GRID2: variants seen among roughly 807,000 people sequenced by gnomAD.
GRID2 encodes glutamate ionotropic receptor delta type subunit 2, also known as glutamate receptor ionotropic, delta-2.
In GRID2, 33 loss-of-function variants were observed where a neutral mutation model predicts 114.8. The ratio of observed to expected loss-of-function variants is 0.29; its 90% CI spans 0.22 to 0.38. GRID2 has a LOEUF of 0.38. Ranked by LOEUF, GRID2 falls within the 10% of genes least tolerant of loss-of-function variation. The probability of loss-of-function intolerance (pLI) is 1.00; values close to 1 mark genes in which losing one functional copy is unlikely to be tolerated. For synonymous variants in GRID2, 505 were observed against 449.9 expected, an observed-to-expected ratio of 1.12 and a Z score of -1.55; for missense variants, 1,184 against 1,257.7, an observed-to-expected ratio of 0.94 and a Z score of 0.89.
chr4:93,034,473 C>T (rs975208133), intron 2 of GRID2, among the ~76,000 whole-genome samples: 13 of 152,108 alleles, frequency 8.5e-5, no homozygotes, highest in African/African-American at 2.4e-4. Context: ...CACAATACAA[C>T]GATATTTCAC....
At chr4:92,857,030 G>A (rs907617312) in intron 2 of GRID2, among the ~76,000 whole-genome samples, 1 of 152,118 alleles carries the variant, frequency 6.6e-6, no homozygotes, top group African/African-American at 2.4e-5. Flanking sequence ...ATTTGATACT[G>A]TTATAATTGT....
chr4:93,233,576 C>T (rs1746406596), intron 7 of GRID2, among the ~76,000 whole-genome samples: 1 of 151,976 alleles, frequency 6.6e-6, no homozygotes, highest in Non-Finnish European at 1.5e-5. Flanking sequence ...CTCCTGACCT[C>T]AGGTGATCCA....
chr4:92,876,200 T>A (rs1213706620), intron 2 of GRID2, among the ~76,000 whole-genome samples: 1 of 152,020 alleles, frequency 6.6e-6, no homozygotes, highest in East Asian at 1.9e-4. Flanking sequence ...ATTATGTATT[T>A]TGACAGTGTG....
chr4:93,054,428 G>T (rs1727032673), intron 2 of GRID2, among the ~76,000 whole-genome samples: 2 of 151,640 alleles, frequency 1.3e-5, no homozygotes, highest in African/African-American at 4.8e-5. Flanking sequence ...TTCTCTGTTA[G>T]ATTGAATAAT....
intron 2 of GRID2, among the ~76,000 whole-genome samples, chr4:92,903,944 A>T (rs1281666656): frequency 6.6e-6 from 1 of 151,906 alleles, no homozygotes; most frequent in Non-Finnish European, 1.5e-5. Context: ...TATGCTTATG[A>T]CCGTTTATCT....
At chr4:93,215,430 C>T (rs1208082993) in intron 5 of GRID2, among the ~76,000 whole-genome samples, 4 of 151,848 alleles carry the variant, frequency 2.6e-5, no homozygotes, top group Admixed American at 6.6e-5. Flanking sequence ...GACAGGATAC[C>T]GTTTAATCCT....
chr4:92,814,133 C>A (rs961211987), intron 2 of GRID2, among the ~76,000 whole-genome samples: 1 of 152,000 alleles, frequency 6.6e-6, no homozygotes, highest in African/African-American at 2.4e-5. Flanking sequence ...TCTTTTATGC[C>A]ATGGAGTGGG....
chr4:92,350,638 G>A (rs1351597901), intron 1 of GRID2, among the ~76,000 whole-genome samples: 1 of 151,526 alleles, frequency 6.6e-6, no homozygotes, highest in Non-Finnish European at 1.5e-5. Context: ...AGCATAATAT[G>A]TTGTGATAAA....
chr4:92,807,811 G>A (rs1214295817), intron 2 of GRID2, among the ~76,000 whole-genome samples: 1 of 151,938 alleles, frequency 6.6e-6, no homozygotes, highest in Non-Finnish European at 1.5e-5. Context: ...GTTTATGTGT[G>A]TGTGCATGTG....
intron 1 of GRID2, among the ~76,000 whole-genome samples, chr4:92,566,260 A>C (rs1405452022): frequency 1.3e-5 from 2 of 151,980 alleles, no homozygotes; most frequent in Non-Finnish European, 2.9e-5. Flanking sequence ...AAAAAATATT[A>C]TTCAATTCAA....
At chr4:93,368,136 C>G (rs1310485271) in intron 8 of GRID2, among the ~76,000 whole-genome samples, 2 of 152,102 alleles carry the variant, frequency 1.3e-5, no homozygotes, top group African/African-American at 2.4e-5. Context: ...CTCAGTAAGG[C>G]TAGAACATCA....
intron 2 of GRID2, among the ~76,000 whole-genome samples, chr4:92,790,577 A>G (rs1739535946): frequency 6.6e-6 from 1 of 151,498 alleles, no homozygotes; most frequent in Admixed American, 6.6e-5. Flanking sequence ...CACCACGCCC[A>G]GCTAATTTTG....
intron 8 of GRID2, among the ~76,000 whole-genome samples, chr4:93,359,499 G>A (rs971624688): frequency 6.6e-6 from 1 of 151,314 alleles, no homozygotes; most frequent in Non-Finnish European, 1.5e-5. Flanking sequence ...TCACCCTGTT[G>A]TGTTATCAAA....
chr4:93,084,218 A>G (rs1468779146), intron 2 of GRID2, among the ~76,000 whole-genome samples: 1 of 152,102 alleles, frequency 6.6e-6, no homozygotes, highest in Non-Finnish European at 1.5e-5. Flanking sequence ...ACATTTACTT[A>G]TAATTTATAT....
chr4:93,173,980 T>C (rs1320709211), intron 4 of GRID2, among the ~76,000 whole-genome samples: 3 of 152,278 alleles, frequency 2.0e-5, no homozygotes, highest in East Asian at 1.9e-4. Flanking sequence ...AATTAAAAAT[T>C]CACAGGTAGT....
chr4:92,692,752 G>A (rs1734235209), intron 2 of GRID2, among the ~76,000 whole-genome samples: 1 of 152,124 alleles, frequency 6.6e-6, no homozygotes, highest in Non-Finnish European at 1.5e-5. Flanking sequence ...GCCAGACACA[G>A]TGGCTCACAC....
intron 14 of GRID2, among the ~76,000 whole-genome samples, chr4:93,662,253 C>T: frequency 6.6e-6 from 1 of 152,178 alleles, no homozygotes; most frequent in East Asian, 1.9e-4. Flanking sequence ...ACGCCCATCC[C>T]TGCCAACTCT....
chr4:93,126,201 A>G (rs2149368425), intron 4 of GRID2, among the ~76,000 whole-genome samples: 1 of 152,344 alleles, frequency 6.6e-6, no homozygotes, highest in Non-Finnish European at 1.5e-5. Flanking sequence ...TATTATAGTT[A>G]GACTACATGT....
At chr4:92,522,653 G>C (rs1435406304) in intron 1 of GRID2, among the ~76,000 whole-genome samples, 1 of 151,948 alleles carries the variant, frequency 6.6e-6, no homozygotes, top group Non-Finnish European at 1.5e-5. Context: ...CTGTTAGGTA[G>C]AGCCTGAAGG....
Sources: gnomAD v4.1 joint callset for allele counts (sites outside exome capture counted in the v4.1 genomes callset) on GRCh38, gnomAD v4.1.1 for gene constraint, MANE v1.5 for transcripts, NCBI Gene and HGNC (gene_info 2026-07-23, HGNC 2026-07-21) for gene names.